The following SMARCA4 variants were observed in gnomAD, a reference collection of about 807,000 sequenced individuals.
The protein encoded by SMARCA4 is SWI/SNF related BAF chromatin remodeling complex subunit ATPase 4.
SMARCA4 carries 31 observed loss-of-function variants against 193.9 expected under a neutral mutation model. That is an observed-to-expected ratio of 0.16 (90% confidence interval 0.12 to 0.22). SMARCA4 has a LOEUF of 0.22. Among genes scored for constraint, SMARCA4 ranks in the 10% least tolerant of loss-of-function variants. SMARCA4 has a pLI of 1.00. For synonymous variants in SMARCA4, 942 were observed against 933.1 expected (o/e 1.01, Z -0.17); for missense variants, 1,148 against 2,296.0 (o/e 0.50, Z 10.22).
At chr19:11,017,088 C>T (rs1301803260) in intron 16 of SMARCA4, among the ~76,000 whole-genome samples, 3 of 152,202 alleles carry the variant, frequency 2.0e-5, no homozygotes, top group African/African-American at 7.2e-5. Context: ...AAAAGGCCTT[C>T]TCTGCCTCGG....
At chr19:11,017,567 C>T (rs1467843651) in intron 16 of SMARCA4, among the ~76,000 whole-genome samples, 1 of 152,266 alleles carries the variant, frequency 6.6e-6, no homozygotes, top group Non-Finnish European at 1.5e-5. Flanking sequence ...AGCTGCTTGT[C>T]CTGCCTCCGT....
chr19:11,030,615 G>A lies in SMARCA4; in HGVS notation c.3383-115G>A. 2.2e-6 allele frequency: 2 copies of A among 929,330 alleles called. No homozygotes were observed. The highest frequency in any genetic ancestry group is 1.4e-5 in the South Asian group (1 of 71,044). 57.6% of individuals were successfully genotyped at this position (929,330 alleles called of 1,614,324 possible). A position where few individuals can be genotyped will look rare whatever the true frequency, so the allele number is the denominator to read the frequency against. ...GTGGAGAGTGCGGAGCCAGGGATCT[G>A]GGGATGCTGGCAGGTGCTGATCCTG... On this transcript the variant is annotated intron_variant, in intron 24 of 34. Coordinates refer to ENST00000344626, the MANE Select transcript of SMARCA4 (RefSeq NM_003072.5). The surrounding 1 kb of genome is among the most constrained non-coding windows in gnomAD (Gnocchi z 5.5).
At chr19:11,047,417 T>TC (rs969686062) in intron 30 of SMARCA4, among the ~76,000 whole-genome samples, 24 of 151,868 alleles carry the variant, frequency 1.6e-4, no homozygotes, top group African/African-American at 5.6e-4. Context: ...GAGGTTTTTT[T>TC]TTTTTTTTGG....
intron 1 of SMARCA4, among the ~76,000 whole-genome samples, chr19:10,964,304 T>G (rs372130447): frequency 4.0e-5 from 6 of 151,846 alleles, no homozygotes; most frequent in East Asian, 3.9e-4. Context: ...GGTGGAACTT[T>G]CTTTCTTTCT....
At chr19:11,050,848 G>T (rs928863147) in intron 30 of SMARCA4, among the ~76,000 whole-genome samples, 2 of 152,346 alleles carry the variant, frequency 1.3e-5, no homozygotes, top group Admixed American at 1.3e-4. Context: ...ATTCCTTGGG[G>T]ACAGGGGGGC....
chr19:11,056,151 G>A (rs3786725), intron 30 of SMARCA4: 37,815 of 152,100 alleles, frequency 0.25, 4,943 homozygotes, highest in Non-Finnish European at 0.3. Context: ...GTACAGGCCC[G>A]CTCTGCCCGA....
intron 18 of SMARCA4, 58 bp from the exon 19 acceptor site, chr19:11,021,667 C>T (rs770199663): frequency 6.4e-7 from 1 of 1,558,184 alleles, no homozygotes; most frequent in Non-Finnish European, 8.7e-7. Flanking sequence ...GGAGATTCTC[C>T]CCATGTGCCG....
At chr19:10,963,484 C>G (rs1367193875) in intron 1 of SMARCA4, among the ~76,000 whole-genome samples, 1 of 151,898 alleles carries the variant, frequency 6.6e-6, no homozygotes, top group African/African-American at 2.4e-5. Flanking sequence ...GCCATTGTTT[C>G]CTGAACCTCA....
At chr19:11,007,594 A>G (rs1391919028) in intron 13 of SMARCA4, among the ~76,000 whole-genome samples, 1 of 151,886 alleles carries the variant, frequency 6.6e-6, no homozygotes, top group Non-Finnish European at 1.5e-5. Flanking sequence ...AAAACATTTG[A>G]GCTGGGTGTG....
At chr19:11,050,714 G>T (rs2146970533) in intron 30 of SMARCA4, among the ~76,000 whole-genome samples, 1 of 152,368 alleles carries the variant, frequency 6.6e-6, no homozygotes, top group African/African-American at 2.4e-5. Context: ...TTTCAGACCT[G>T]CCTGAAACAT....
Position 10,986,709 on chromosome 19 carries a change from G to A in SMARCA4, c.760+116G>A, listed in dbSNP as rs11669656. On this transcript the variant is annotated intron_variant, in intron 4 of 34. Coordinates refer to ENST00000344626, the MANE Select transcript of SMARCA4 (RefSeq NM_003072.5). The surrounding 1 kb of genome is among the most constrained non-coding windows in gnomAD (Gnocchi z 6.7). ...TGGGTTCCCCGGTTTGGGATTGCAC[G>A]GGCCCATACTGCACTTCTGGGTGCT... 54,266 of 1,444,052 alleles carry A rather than the reference G, an allele frequency of 0.038. 1,277 individuals carry two copies. Among genetic ancestry groups the A allele is most frequent in the Non-Finnish European group, 0.044 (47,063 of 1,067,834 alleles). 89.5% of individuals were successfully genotyped at this position (1,444,052 alleles called of 1,614,324 possible).
At chr19:11,044,851 C>G (rs746432124) in intron 30 of SMARCA4, among the ~76,000 whole-genome samples, 7 of 152,228 alleles carry the variant, frequency 4.6e-5, no homozygotes, top group Non-Finnish European at 8.8e-5. Flanking sequence ...ACAGACGTGT[C>G]CATAGCCACT....
chr19:10,969,493 G>T (rs1020468109), intron 1 of SMARCA4, among the ~76,000 whole-genome samples: 6 of 151,818 alleles, frequency 4.0e-5, no homozygotes, highest in Admixed American at 3.3e-4. Context: ...TGCAATGGCG[G>T]GGTCTCGGCT....
chr19:11,004,613 C>T (rs1219674934), intron 13 of SMARCA4, among the ~76,000 whole-genome samples: 1 of 152,130 alleles, frequency 6.6e-6, no homozygotes, highest in African/African-American at 2.4e-5. Context: ...ATCTTTTTCC[C>T]TTCTTTTACT....
chr19:10,986,104 A>C lies in SMARCA4; in HGVS notation c.356-85A>C. On this transcript the variant is annotated intron_variant, in intron 3 of 34. Coordinates refer to ENST00000344626, the MANE Select transcript of SMARCA4 (RefSeq NM_003072.5). The surrounding 1 kb of genome is among the most constrained non-coding windows in gnomAD (Gnocchi z 6.7). ...GCCATTTGGCTGTGCCCTGTCTCAG[A>C]GTAGGAGCTGGTGTAGGGGGAAGAG... is the stretch of plus-strand genomic sequence containing the variant. 8.5e-7 allele frequency: 1 copy of C among 1,173,310 alleles called. No homozygotes were observed. The highest frequency in any genetic ancestry group is 1.3e-6 in the Non-Finnish European group (1 of 785,432). The allele number at this position is 1,173,310 out of a possible 1,614,324, so 72.7% of individuals were successfully genotyped here.
intron 1 of SMARCA4, chr19:10,977,560 G>A (rs1223100383): frequency 6.6e-6 from 1 of 152,220 alleles, no homozygotes; most frequent in Non-Finnish European, 1.5e-5. Flanking sequence ...CTCACCTCAA[G>A]TGACCCGCCC....
chr19:11,062,212 C>T lies in SMARCA4; in HGVS notation c.*396C>T, dbSNP rs550481132. 7 of 303,552 alleles carry T rather than the reference C, an allele frequency of 2.3e-5. No individual in the cohort carries two copies. The South Asian group carries it at 3.9e-4, about 17-fold the overall frequency. 18.8% of individuals were successfully genotyped at this position (303,552 alleles called of 1,614,324 possible). ...TGGACAGGTCAGACTCGCCGGGGGC[C>T]CGGCGAGGGTATGTCAGTGTCACTG... On this transcript the variant is annotated 3_prime_UTR_variant, in exon 35 of 35. Coordinates refer to ENST00000344626, the MANE Select transcript of SMARCA4 (RefSeq NM_003072.5).
At chr19:11,036,752 C>G (rs2075293320) in intron 29 of SMARCA4, among the ~76,000 whole-genome samples, 1 of 152,180 alleles carries the variant, frequency 6.6e-6, no homozygotes, top group Non-Finnish European at 1.5e-5. Flanking sequence ...AGAACATTCT[C>G]ATCGCCCCCA....
rs371832808 is a variant in SMARCA4 at position 10,986,489 on chromosome 19, C to T, written c.656C>T (p.Thr219Met). 53 of 1,550,508 alleles carry T rather than the reference C, an allele frequency of 3.4e-5. No individual in the cohort carries two copies. Among genetic ancestry groups the T allele is most frequent in the African/African-American group, 9.6e-5 (7 of 73,166 alleles). The change falls in exon 4 of 35, where the codon ACG (threonine) becomes ATG (methionine). Residue 219 changes from threonine (T) to methionine (M), a missense_variant. Physicochemically the swap from Thr to Met is moderately conservative, Grantham distance 81. This residue lies in a region of SMARCA4 where 257 missense variants were observed against 276.5 expected (regional missense o/e 0.93). Transcript: ENST00000344626. The surrounding 1 kb of genome is among the most constrained non-coding windows in gnomAD (Gnocchi z 6.7). The stretch of plus-strand genomic sequence containing the variant: ...CCCGGGATGCAGCAGCAGATGCCAA[C>T]GCTACCTCCACCCTCGGTGTCCGCA... ...PMPGMQQQMP[T>M]LPPPSVSATG... is the part of the protein sequence containing the mutation.
Sources: allele counts gnomAD v4.1 joint callset (sites outside exome capture counted in the v4.1 genomes callset), GRCh38; gene constraint gnomAD v4.1.1; regional missense constraint gnomAD v4.1.1; non-coding constraint Gnocchi (gnomAD v3.1); transcripts MANE v1.5; gene names NCBI Gene and HGNC (gene_info 2026-07-23, HGNC 2026-07-21).